Variants in CIB4 observed in about 807,000 individuals in gnomAD.
CIB4 encodes calcium and integrin binding family member 4.
CIB4 carries 25 observed loss-of-function variants against 25.8 expected under a neutral mutation model. That is an observed-to-expected ratio of 0.97 (90% CI 0.71 to 1.35). The LOEUF is 1.35. Among genes scored for constraint, CIB4 ranks in the 40% most tolerant of loss-of-function variants. The pLI, the probability that CIB4 is intolerant of heterozygous loss-of-function variation, is 0.00. For synonymous variants in CIB4, 75 were observed against 81.4 expected, an observed-to-expected ratio of 0.92 and a Z score of 0.42; for missense variants, 235 against 228.2, an observed-to-expected ratio of 1.03 and a Z score of -0.19.
intron 4 of CIB4, among the ~76,000 whole-genome samples, chr2:26,590,092 G>A (rs1040560930): frequency 4.6e-5 from 7 of 151,794 alleles, no homozygotes; most frequent in African/African-American, 1.7e-4. Context: ...CATGGCCACT[G>A]CTCCACATCA....
chr2:26,597,783 C>G (rs1011841844), intron 3 of CIB4, among the ~76,000 whole-genome samples: 1 of 151,838 alleles, frequency 6.6e-6, no homozygotes, highest in Non-Finnish European at 1.5e-5. Context: ...GTGATCTAGG[C>G]TAACCTGCTC....
At chr2:26,609,116 C>G (rs1275759223) in intron 3 of CIB4, among the ~76,000 whole-genome samples, 2 of 152,202 alleles carry the variant, frequency 1.3e-5, no homozygotes, top group Admixed American at 6.5e-5. Context: ...CTGGTTTTAT[C>G]GAATTACGAC....
intron 3 of CIB4, among the ~76,000 whole-genome samples, chr2:26,613,896 G>A (rs1448324142): frequency 6.6e-6 from 1 of 152,222 alleles, no homozygotes; most frequent in East Asian, 1.9e-4. Context: ...CCGCATCTCA[G>A]CTGTCCCAGC....
intron 5 of CIB4, among the ~76,000 whole-genome samples, chr2:26,583,281 G>A (rs1207745018): frequency 1.3e-5 from 2 of 152,190 alleles, no homozygotes; most frequent in South Asian, 2.1e-4. Flanking sequence ...AGTCCCCATC[G>A]AGACTGGAAA....
At chr2:26,629,559 T>A in intron 2 of CIB4, 53 bp from the exon 3 acceptor site, 1 of 1,271,106 alleles carries the variant, frequency 7.9e-7, no homozygotes, top group Non-Finnish European at 1.1e-6. Context: ...GCCAGCACTG[T>A]GTGGCCGGGG....
At chr2:26,605,712 C>T (rs1403253068) in intron 3 of CIB4, 9 of 272,592 alleles carry the variant, frequency 3.3e-5, no homozygotes, top group Non-Finnish European at 6.9e-5. Context: ...CTGTGACGAC[C>T]TTGCAGGCAG....
chr2:26,608,024 A>G (rs1276769938), intron 3 of CIB4, among the ~76,000 whole-genome samples: 2 of 152,204 alleles, frequency 1.3e-5, no homozygotes, highest in African/African-American at 4.8e-5. Flanking sequence ...GATCACCTGA[A>G]GTCAGGAGTT....
chr2:26,584,668 G>A (rs1157333220), intron 4 of CIB4, among the ~76,000 whole-genome samples: 1 of 152,246 alleles, frequency 6.6e-6, no homozygotes, highest in East Asian at 1.9e-4. Context: ...AGCCACAGCT[G>A]TCAGATAAAG....
At chr2:26,614,181 T>TG (rs1669049560) in intron 3 of CIB4, among the ~76,000 whole-genome samples, 1 of 152,194 alleles carries the variant, frequency 6.6e-6, no homozygotes, top group Admixed American at 6.5e-5. Context: ...CTGAGGTCTC[T>TG]GGGGCACAAA....
At chr2:26,614,712 C>T (rs774913024) in intron 3 of CIB4, among the ~76,000 whole-genome samples, 7 of 152,336 alleles carry the variant, frequency 4.6e-5, no homozygotes, top group Non-Finnish European at 1.0e-4. Flanking sequence ...GGGAGAAGCA[C>T]ATGAGATGCT....
chr2:26,617,119 A>AGTGTGTGTGTGTGTGTGT (rs1244289106), intron 3 of CIB4, among the ~76,000 whole-genome samples: 1 of 36,292 alleles, frequency 2.8e-5, no homozygotes, highest in African/African-American at 9.3e-5. Context: ...AAGAGCATGG[A>AGTGTGTGTGTGTGTGTGT]ATGTGTGTGT....
intron 3 of CIB4, among the ~76,000 whole-genome samples, chr2:26,615,232 T>C (rs976484964): frequency 1.3e-5 from 2 of 152,160 alleles, no homozygotes; most frequent in Non-Finnish European, 2.9e-5. Context: ...AGTCAAATCC[T>C]GGACAAATGA....
chr2:26,622,478 T>C (rs749977096), intron 3 of CIB4, among the ~76,000 whole-genome samples: 73 of 151,994 alleles, frequency 4.8e-4, no homozygotes, highest in Non-Finnish European at 1.3e-4. Context: ...AGGATGGGTG[T>C]TGGGGAGGGG....
At chr2:26,582,073 C>A (rs565263590) in intron 6 of CIB4, among the ~76,000 whole-genome samples, 2 of 152,210 alleles carry the variant, frequency 1.3e-5, no homozygotes, top group Non-Finnish European at 2.9e-5. Flanking sequence ...ACAGAGGGAC[C>A]CAGCAGCCCC....
At chr2:26,589,075 T>C (rs1323161356) in intron 4 of CIB4, among the ~76,000 whole-genome samples, 780 of 55,560 alleles carry the variant, frequency 0.014, 101 homozygotes, top group African/African-American at 0.075. Flanking sequence ...CCTCTTCCTC[T>C]TCTTCTTCTT....
intron 3 of CIB4, among the ~76,000 whole-genome samples, chr2:26,619,037 C>G (rs1669150802): frequency 6.6e-6 from 1 of 152,164 alleles, no homozygotes; most frequent in African/African-American, 2.4e-5. Flanking sequence ...TGAGAAGAAG[C>G]CCCATCGGCC....
rs767930760 is a variant in CIB4, at chr2:26,641,352, C to T, written c.-38G>A. The T allele has an allele frequency of 2.0e-5, 31 of 1,588,582 alleles. No homozygotes were observed. Among genetic ancestry groups the T allele is most frequent in the Non-Finnish European group, 2.5e-5 (29 of 1,156,802 alleles). On this transcript the variant is annotated 5_prime_UTR_variant, in exon 1 of 7. Coordinates refer to ENST00000288861, the MANE Select transcript of CIB4 (RefSeq NM_001029881.3). ...TTTCTGTCTGCCAGCAGTAGAACCT[C>T]AGCCTCAAGGACTCGCCAGCTGAGG...
Position 26,589,087 on chromosome 2 carries a change from TTCTTCTTCTTCTTCTTCTTCC to T in CIB4, c.329-5210_329-5190del, listed in dbSNP as rs1558555005. Among the ~76,000 whole-genome samples, 150 of 93,402 alleles carry T rather than the reference TTCTTCTTCTTCTTCTTCTTCC, an allele frequency of 1.6e-3. 20 individuals are homozygous for T. Among genetic ancestry groups the T allele is most frequent in the African/African-American group, 8.2e-3 (130 of 15,850 alleles). 61.3% of individuals were successfully genotyped at this position (93,402 alleles called of 152,430 possible). On this transcript the variant is annotated intron_variant, in intron 4 of 6. Transcript: ENST00000288861. ...CTTCCTCTTCCTCTTCTTCTTCTTC[TTCTTCTTCTTCTTCTTCTTCC>T]TCTTCTTCTTCTTCTTCTTCTTCTT...
chr2:26,628,178 G>C (rs758545451), intron 3 of CIB4, among the ~76,000 whole-genome samples: 46 of 152,332 alleles, frequency 3.0e-4, no homozygotes, highest in Middle Eastern at 3.4e-3. Flanking sequence ...AAAATCTCAG[G>C]AGTGATTTTG....
Sources: gnomAD v4.1 joint callset for allele counts (sites outside exome capture counted in the v4.1 genomes callset) on GRCh38, gnomAD v4.1.1 for gene constraint, MANE v1.5 for transcripts, NCBI Gene and HGNC (gene_info 2026-07-23, HGNC 2026-07-21) for gene names.